Variants in ATP9A observed in about 807,000 individuals in gnomAD.
ATP9A encodes the protein probable phospholipid-transporting ATPase IIA.
ATP9A carries 52 observed loss-of-function variants against 144.1 expected under a neutral mutation model. The observed-to-expected ratio is 0.36, with a 90% CI of 0.29 to 0.45. The LOEUF (loss-of-function observed/expected upper bound fraction) is 0.45. Among genes scored for constraint, ATP9A ranks in the 20% least tolerant of loss-of-function variants. The probability of loss-of-function intolerance (pLI) is 1.00; values close to 1 mark genes in which losing one functional copy is unlikely to be tolerated. For missense variants in ATP9A, 947 were observed against 1,392.7 expected (o/e 0.68, Z 5.09); for synonymous variants, 582 against 557.4 (o/e 1.04, Z -0.62).
chr20:51,600,877 C>G lies in ATP9A; in HGVS notation c.*334G>C. The G allele has an allele frequency of 5.0e-6, 1 of 199,500 alleles. No individual in the cohort carries two copies. The allele number at this position is 199,500 out of a possible 1,614,324, so 12.4% of individuals were successfully genotyped here. A position where few individuals can be genotyped will look rare whatever the true frequency, so the allele number is the denominator to read the frequency against. On this transcript the variant is annotated 3_prime_UTR_variant, in exon 28 of 28. Transcript: ENST00000338821. ...TCTACAACCTTCAGCTACACAGAAA[C>G]TTTTATCATGTGACAACAAAATTCA... is the stretch of plus-strand genomic sequence containing the variant.
intron 18 of ATP9A, 108 bp downstream of exon 18, chr20:51,625,084 G>T (rs1226869746): frequency 2.9e-6 from 3 of 1,039,562 alleles, no homozygotes; most frequent in Non-Finnish European, 2.8e-6. Context: ...GGCACTCCTG[G>T]TGTCCTCTGC....
rs375835468 is a variant in ATP9A, at chr20:51,704,235, C to A, written c.437-6753G>T. 1.9e-4 allele frequency among the ~76,000 whole-genome samples: 28 copies of A among 144,124 alleles called. No homozygotes were observed. In the South Asian group the frequency reaches 6.2e-3, roughly 32 times the overall value. The allele number at this position is 144,124 out of a possible 152,430, so 94.6% of individuals were successfully genotyped here. ...TTAAATGTAACAAGTTTATACCCAA[C>A]AGTGGCTTTTAAAATAAATATATAA... On this transcript the variant is annotated intron_variant, in intron 4 of 27. Coordinates refer to ENST00000338821, the MANE Select transcript of ATP9A (RefSeq NM_006045.3).
chr20:51,725,822 G>A lies in ATP9A; in HGVS notation c.324C>T (p.Pro108=), dbSNP rs748210629. The change falls in exon 3 of 28, where the codon CCC becomes CCT. Residue 108 remains proline, a synonymous_variant. Transcript: ENST00000338821. ...RLGALYTYWV[P]LGFVLAVTVI... ...CAAACAATGCCGATTAACTTACCAG[G>A]GGAACCCAGTAGGTATAGAGTGCAC... 5 of 1,590,900 alleles carry A rather than the reference G, an allele frequency of 3.1e-6. No individual in the cohort carries two copies. In the African/African-American group the frequency reaches 4.0e-5, roughly 13 times the overall value.
chr20:51,635,893 G>A (rs1433610272), intron 15 of ATP9A, among the ~76,000 whole-genome samples: 1 of 134,518 alleles, frequency 7.4e-6, no homozygotes, highest in African/African-American at 2.7e-5. Context: ...GGGAGGGGAG[G>A]GGAGAGGACA....
rs2077445923 is a variant in ATP9A at position 51,669,218 on chromosome 20, G to A, written c.1293+779C>T. On this transcript the variant is annotated intron_variant, in intron 13 of 27. Coordinates refer to ENST00000338821, the MANE Select transcript of ATP9A (RefSeq NM_006045.3). ...TGAGTAAGAATCTCCAGGGTATCAAGCCCAAATAAATGTCTCGTTTTTGTT... is the reference window on the plus strand; with the variant it reads ...TGAGTAAGAATCTCCAGGGTATCAAACCCAAATAAATGTCTCGTTTTTGTT... Among the ~76,000 whole-genome samples the A allele has an allele frequency of 2.0e-5, 3 of 152,234 alleles. No homozygotes were observed. The South Asian group carries it at 6.2e-4, about 32-fold the overall frequency.
chr20:51,652,967 G>C (rs543423122), intron 14 of ATP9A, among the ~76,000 whole-genome samples: 1 of 151,990 alleles, frequency 6.6e-6, no homozygotes, highest in East Asian at 1.9e-4. Flanking sequence ...AAAAATAGCC[G>C]GGCGTGGCAG....
intron 14 of ATP9A, among the ~76,000 whole-genome samples, chr20:51,651,017 T>G (rs1298188424): frequency 6.6e-6 from 1 of 150,798 alleles, no homozygotes; most frequent in African/African-American, 2.4e-5. Flanking sequence ...CTCGCTCTGT[T>G]GCCCAGGCTC....
intron 23 of ATP9A, among the ~76,000 whole-genome samples, chr20:51,612,249 G>A (rs1048723334): frequency 1.3e-5 from 2 of 152,196 alleles, no homozygotes; most frequent in Admixed American, 6.5e-5. Context: ...AGAAGGAGAC[G>A]TGAGTTCCAG....
chr20:51,646,960 A>G (rs2077344717), intron 14 of ATP9A, among the ~76,000 whole-genome samples: 1 of 152,080 alleles, frequency 6.6e-6, no homozygotes, highest in Admixed American at 6.6e-5. Context: ...TCTACTAAAA[A>G]AAAGTGCAAA....
chr20:51,642,684 C>A (rs921994171), intron 14 of ATP9A, among the ~76,000 whole-genome samples: 2 of 124,070 alleles, frequency 1.6e-5, no homozygotes, highest in African/African-American at 3.1e-5. Flanking sequence ...TGAAACCATG[C>A]CACTGCACTC....
intron 4 of ATP9A, among the ~76,000 whole-genome samples, chr20:51,699,699 G>A (rs1053425368): frequency 2.6e-5 from 4 of 151,958 alleles, no homozygotes; most frequent in Non-Finnish European, 1.5e-5. Flanking sequence ...CTGGAGTGCA[G>A]TGGCATGATC....
intron 3 of ATP9A, among the ~76,000 whole-genome samples, chr20:51,714,495 C>A (rs6063701): frequency 0.24 from 36,988 of 152,120 alleles, 4,836 homozygotes; most frequent in Non-Finnish European, 0.28. Context: ...GATTCTCTTG[C>A]CTCAGCCTCC....
chr20:51,635,822 A>AAGGAAGGGAGGG (rs1270595027), intron 15 of ATP9A, among the ~76,000 whole-genome samples: 1 of 119,348 alleles, frequency 8.4e-6, no homozygotes, highest in African/African-American at 3.3e-5. Flanking sequence ...GGAAGGAAGG[A>AAGGAAGGGAGGG]AGGGAGGGAG....
At chr20:51,723,704 A>G (rs13045921) in intron 3 of ATP9A, among the ~76,000 whole-genome samples, 33,238 of 149,696 alleles carry the variant, frequency 0.22, 3,913 homozygotes, top group African/African-American at 0.31. Context: ...CTACAGGTGC[A>G]TGCCACCAAG....
chr20:51,635,802 G>GAGGGAGGGAGGAAGGA (rs774111834), intron 15 of ATP9A, among the ~76,000 whole-genome samples: 1 of 46,654 alleles, frequency 2.1e-5, no homozygotes, highest in Non-Finnish European at 4.6e-5. Context: ...AGGAGGGGAG[G>GAGGGAGGGAGGAAGGA]AGGAAGGAAG....
In ATP9A at chr20:51,679,548, C is replaced by G. The variant is rs539297914; in HGVS notation, c.800-3340G>C. ...ACTGTTGACCCGAAAGTATCCACCC[C>G]CAGGCCTCTGATCCCCTCCTTCCCC... On this transcript the variant is annotated intron_variant, in intron 9 of 27. Coordinates refer to ENST00000338821, the MANE Select transcript of ATP9A (RefSeq NM_006045.3). 2.2e-4 allele frequency among the ~76,000 whole-genome samples: 34 copies of G among 152,260 alleles called. 3 individuals are homozygous for G. The South Asian group carries it at 5.6e-3, about 25-fold the overall frequency.
chr20:51,602,214 G>A (rs1054801022), intron 27 of ATP9A, among the ~76,000 whole-genome samples: 3 of 152,112 alleles, frequency 2.0e-5, no homozygotes, highest in Non-Finnish European at 2.9e-5. Flanking sequence ...TTATAAACCC[G>A]GTTATGAGGT....
intron 4 of ATP9A, among the ~76,000 whole-genome samples, chr20:51,703,333 AC>A (rs1257184608): frequency 6.6e-6 from 1 of 152,148 alleles, no homozygotes; most frequent in African/African-American, 2.4e-5. Flanking sequence ...TTCCTGTAAC[AC>A]CCCATCTCCA....
rs978258518 is a variant in ATP9A at position 51,596,986 on chromosome 20, G to C, written c.*4225C>G. The C allele has an allele frequency of 6.6e-6, 1 of 152,108 alleles. No homozygotes were observed. Among genetic ancestry groups the C allele is most frequent in the African/African-American group, 2.4e-5 (1 of 41,400 alleles). The allele number at this position is 152,108 out of a possible 1,614,324, so 9.4% of individuals were successfully genotyped here. ...TGTCCTGGTGAAAATTTGCAATGAGGATTACAGAGAGAGAGATCAACCAAT... is the reference window on the plus strand; with the variant it reads ...TGTCCTGGTGAAAATTTGCAATGAGCATTACAGAGAGAGAGATCAACCAAT... On this transcript the variant is annotated 3_prime_UTR_variant, in exon 28 of 28. Coordinates refer to ENST00000338821, the MANE Select transcript of ATP9A (RefSeq NM_006045.3).
Sources: allele counts gnomAD v4.1 joint callset (sites outside exome capture counted in the v4.1 genomes callset), GRCh38; gene constraint gnomAD v4.1.1; transcripts MANE v1.5; gene names NCBI Gene and HGNC (gene_info 2026-07-23, HGNC 2026-07-21).